The following KCNH5 variants were observed in gnomAD, a reference collection of about 807,000 sequenced individuals.
KCNH5 encodes the protein voltage-gated delayed rectifier potassium channel KCNH5.
A neutral mutation model predicts 96.1 loss-of-function variants in KCNH5; 46 were observed. That is an observed-to-expected ratio of 0.48 (90% CI 0.38 to 0.61). KCNH5 has a LOEUF of 0.61. KCNH5 is among the 20% of genes least tolerant of loss of function. The probability of loss-of-function intolerance (pLI) is 0.00; values close to 1 mark genes in which losing one functional copy is unlikely to be tolerated. For synonymous variants in KCNH5, 439 were observed against 449.8 expected (o/e 0.98, Z 0.30); for missense variants, 907 against 1,225.8 (o/e 0.74, Z 3.88).
chr14:62,856,378 C>A (rs569521406), intron 7 of KCNH5, among the ~76,000 whole-genome samples: 74 of 152,284 alleles, frequency 4.9e-4, no homozygotes, highest in African/African-American at 1.7e-3. Context: ...TTTTATAAAT[C>A]TTGCCAAGTG....
At chr14:62,995,576 T>C (rs1890891784) in intron 4 of KCNH5, among the ~76,000 whole-genome samples, 1 of 152,258 alleles carries the variant, frequency 6.6e-6, no homozygotes, top group East Asian at 1.9e-4. Flanking sequence ...ATTATGCTCA[T>C]AGATAACTAG....
In KCNH5 at chr14:62,928,697, A is replaced by G. The variant is rs545840923; in HGVS notation, c.1369+21436T>C. Among the ~76,000 whole-genome samples, 3 of 152,112 alleles carry G rather than the reference A, an allele frequency of 2.0e-5. No homozygotes were observed. In the South Asian group the frequency reaches 6.2e-4, roughly 32 times the overall value. ...CAGATTTTGTCTTGATTGACCTGTAAGAGGAACTTCCCATGGCTGCTCACT... is the reference window on the plus strand; with the variant it reads ...CAGATTTTGTCTTGATTGACCTGTAGGAGGAACTTCCCATGGCTGCTCACT... On this transcript the variant is annotated intron_variant, in intron 7 of 10. Transcript: ENST00000322893.
chr14:63,019,171 A>T (rs1326594169), intron 1 of KCNH5, among the ~76,000 whole-genome samples: 2 of 152,016 alleles, frequency 1.3e-5, no homozygotes, highest in African/African-American at 4.8e-5. Context: ...ATAGAATGAA[A>T]ACTAGCAACT....
chr14:62,748,369 A>G lies in KCNH5; in HGVS notation c.2019+31359T>C, dbSNP rs181807878. ...TTAGGAATGTCTTTCTTCTTCAGATATCGGGATATCTGGACACTCCCAAGT... is the reference window on the plus strand; with the variant it reads ...TTAGGAATGTCTTTCTTCTTCAGATGTCGGGATATCTGGACACTCCCAAGT... On this transcript the variant is annotated intron_variant, in intron 10 of 10. Coordinates refer to ENST00000322893, the MANE Select transcript of KCNH5 (RefSeq NM_139318.5). Among the ~76,000 whole-genome samples, 256 of 152,340 alleles carry G rather than the reference A, an allele frequency of 1.7e-3. 1 individual carries two copies. The highest frequency in any genetic ancestry group is 2.1e-3 in the Non-Finnish European group (142 of 68,032).
intron 10 of KCNH5, among the ~76,000 whole-genome samples, chr14:62,763,736 T>C (rs1885802125): frequency 6.6e-6 from 1 of 152,110 alleles, no homozygotes; most frequent in South Asian, 2.1e-4. Context: ...TAAAAAACCC[T>C]CATAGGCTAT....
chr14:62,810,145 A>C (rs1386453746), intron 8 of KCNH5, among the ~76,000 whole-genome samples: 2 of 152,142 alleles, frequency 1.3e-5, no homozygotes, highest in Non-Finnish European at 2.9e-5. Context: ...TCCTTAAACT[A>C]AACACTTATC....
At position 62,745,531 on chromosome 14, in the gene KCNH5, T is replaced by C. The variant is rs1424496593; in HGVS notation, c.2019+34197A>G. ...CTTTCACAGAGCCAATCACATATAT[T>C]TTATTCAATTTTCTTTAAACAATCC... is the stretch of plus-strand genomic sequence containing the variant. On this transcript the variant is annotated intron_variant, in intron 10 of 10. Transcript: ENST00000322893. 2.0e-5 allele frequency among the ~76,000 whole-genome samples: 3 copies of C among 152,184 alleles called. No individual in the cohort carries two copies. The South Asian group carries it at 6.2e-4, about 32-fold the overall frequency.
At chr14:62,845,059 T>C (rs1887663058) in intron 8 of KCNH5, among the ~76,000 whole-genome samples, 1 of 152,154 alleles carries the variant, frequency 6.6e-6, no homozygotes, top group African/African-American at 2.4e-5. Flanking sequence ...CTTCATATAT[T>C]ATATTTCCTT....
chr14:62,744,233 C>T (rs8017931), intron 10 of KCNH5, among the ~76,000 whole-genome samples: 82,820 of 151,954 alleles, frequency 0.55, 23,490 homozygotes, highest in African/African-American at 0.69. Flanking sequence ...TCCAGGACTA[C>T]TACTTTGTCA....
rs1884410112 is a variant in KCNH5 at position 62,705,373 on chromosome 14, C to G, written c.*2135G>C. 1 of 151,920 alleles carries G rather than the reference C, an allele frequency of 6.6e-6. No homozygotes were observed. Among genetic ancestry groups the G allele is most frequent in the South Asian group, 2.1e-4 (1 of 4,828 alleles). The allele number at this position is 151,920 out of a possible 1,614,324, so 9.4% of individuals were successfully genotyped here. A position where few individuals can be genotyped will look rare whatever the true frequency, so the allele number is the denominator to read the frequency against. ...TTCACCTTTAAAAGCTTAAGCCAAACTTGACTTAAACAAATAGAAAAATAC... is the reference window on the plus strand; with the variant it reads ...TTCACCTTTAAAAGCTTAAGCCAAAGTTGACTTAAACAAATAGAAAAATAC... On this transcript the variant is annotated 3_prime_UTR_variant, in exon 11 of 11. Transcript: ENST00000322893.
chr14:62,954,450 G>C (rs942090010), intron 6 of KCNH5, among the ~76,000 whole-genome samples: 1 of 152,110 alleles, frequency 6.6e-6, no homozygotes, highest in Non-Finnish European at 1.5e-5. Context: ...CTGGCATATG[G>C]TAATATGTTA....
At chr14:63,005,321 T>A (rs1345739765) in intron 3 of KCNH5, among the ~76,000 whole-genome samples, 4 of 152,252 alleles carry the variant, frequency 2.6e-5, no homozygotes. Flanking sequence ...ATTCCTTTGT[T>A]AGTCTACTAA....
intron 6 of KCNH5, among the ~76,000 whole-genome samples, chr14:62,955,029 T>C (rs992858202): frequency 1.3e-5 from 2 of 150,062 alleles, no homozygotes; most frequent in African/African-American, 4.9e-5. Context: ...AGCCAAACCA[T>C]ATCACTAGGT....
intron 7 of KCNH5, among the ~76,000 whole-genome samples, chr14:62,942,237 G>C (rs1055401573): frequency 6.6e-6 from 1 of 152,054 alleles, no homozygotes. Flanking sequence ...TAGAAGTATA[G>C]AATGTTAGTC....
At chr14:62,783,076 T>C (rs1177567355) in intron 9 of KCNH5, among the ~76,000 whole-genome samples, 1 of 152,052 alleles carries the variant, frequency 6.6e-6, no homozygotes, top group African/African-American at 2.4e-5. Flanking sequence ...AGCCACAAGG[T>C]ATCATAAATT....
At chr14:62,987,846 A>G (rs1340809792) in intron 4 of KCNH5, among the ~76,000 whole-genome samples, 3 of 152,256 alleles carry the variant, frequency 2.0e-5, no homozygotes, top group Admixed American at 6.6e-5. Flanking sequence ...CCCTAATTAT[A>G]ATAGTCCTTC....
intron 10 of KCNH5, among the ~76,000 whole-genome samples, chr14:62,760,460 C>T (rs1885723860): frequency 6.6e-6 from 1 of 152,196 alleles, no homozygotes; most frequent in Non-Finnish European, 1.5e-5. Context: ...TTCTTATGTG[C>T]AGAATTAGCA....
intron 9 of KCNH5, among the ~76,000 whole-genome samples, chr14:62,799,372 T>C (rs1198913527): frequency 6.7e-6 from 1 of 150,316 alleles, no homozygotes; most frequent in Non-Finnish European, 1.5e-5. Flanking sequence ...AGGTCAGGAG[T>C]TCGAGACCAG....
At chr14:62,949,955 A>T (rs1889967654) in intron 7 of KCNH5, 178 bp downstream of exon 7, 1 of 592,502 alleles carries the variant, frequency 1.7e-6, no homozygotes, top group East Asian at 2.9e-5. Flanking sequence ...TGTCCTGAAG[A>T]GTAAAATATA....
Sources: gnomAD v4.1 joint callset for allele counts (sites outside exome capture counted in the v4.1 genomes callset) on GRCh38, gnomAD v4.1.1 for gene constraint, MANE v1.5 for transcripts, NCBI Gene and HGNC (gene_info 2026-07-23, HGNC 2026-07-21) for gene names.